KALRN: variants seen among roughly 807,000 people sequenced by gnomAD.
KALRN encodes kalirin.
In KALRN, 70 loss-of-function variants were observed where a neutral mutation model predicts 353.7. That is an observed-to-expected ratio of 0.20 (90% CI 0.16 to 0.24). The LOEUF is 0.24. Ranked by LOEUF, KALRN falls within the 10% of genes least tolerant of loss-of-function variation. KALRN has a pLI of 1.00. For missense variants in KALRN, 2,791 were observed against 3,756.7 expected (o/e 0.74, Z 6.72); for synonymous variants, 1,391 against 1,434.8 (o/e 0.97, Z 0.69).
chr3:124,714,666 G>A (rs1472228602), intron 58 of KALRN, among the ~76,000 whole-genome samples: 2 of 152,116 alleles, frequency 1.3e-5, no homozygotes, highest in East Asian at 1.9e-4. Flanking sequence ...GGCCAGGGTC[G>A]GGGGAACAAA....
At chr3:124,167,674 A>C (rs982592991) in intron 1 of KALRN, among the ~76,000 whole-genome samples, 1 of 152,242 alleles carries the variant, frequency 6.6e-6, no homozygotes, top group African/African-American at 2.4e-5. Flanking sequence ...CTTTGTGGAC[A>C]CTATCAAATT....
At chr3:124,039,751 TTTC>T (rs1431373034) in intron 1 of KALRN, among the ~76,000 whole-genome samples, 4 of 152,214 alleles carry the variant, frequency 2.6e-5, no homozygotes, top group Non-Finnish European at 5.9e-5. Context: ...CTTCCTGAGC[TTTC>T]TTTTGCAGCA....
intron 10 of KALRN, among the ~76,000 whole-genome samples, chr3:124,361,784 G>T (rs2084063024): frequency 6.7e-6 from 1 of 148,754 alleles, no homozygotes; most frequent in South Asian, 2.1e-4. Context: ...CGGCTGGGGT[G>T]GGGAGTAGTG....
At chr3:124,636,095 T>A (rs979798855) in intron 36 of KALRN, among the ~76,000 whole-genome samples, 1 of 152,166 alleles carries the variant, frequency 6.6e-6, no homozygotes, top group African/African-American at 2.4e-5. Flanking sequence ...AGAATATTGT[T>A]ATATCTTCCT....
chr3:124,054,768 A>T (rs2041370834), intron 1 of KALRN, among the ~76,000 whole-genome samples: 1 of 152,208 alleles, frequency 6.6e-6, no homozygotes, highest in Admixed American at 6.5e-5. Context: ...TGTGAGTTGT[A>T]TGATACAGTC....
At chr3:124,151,776 A>C (rs1459877167) in intron 1 of KALRN, among the ~76,000 whole-genome samples, 1 of 152,034 alleles carries the variant, frequency 6.6e-6, no homozygotes, top group Non-Finnish European at 1.5e-5. Flanking sequence ...ATTTTTGTCT[A>C]CTGTAAATAT....
At chr3:124,433,953 AT>A (rs2093377657) in intron 16 of KALRN, among the ~76,000 whole-genome samples, 1 of 152,214 alleles carries the variant, frequency 6.6e-6, no homozygotes. Flanking sequence ...GTACAATTTT[AT>A]TATTCTATTT....
intron 1 of KALRN, among the ~76,000 whole-genome samples, chr3:124,184,831 A>T: frequency 6.6e-6 from 1 of 152,208 alleles, no homozygotes; most frequent in East Asian, 1.9e-4. Context: ...AAAAAAATGA[A>T]CAAATAGTGA....
intron 1 of KALRN, among the ~76,000 whole-genome samples, chr3:124,180,088 G>T (rs555960986): frequency 6.6e-6 from 1 of 151,320 alleles, no homozygotes. Flanking sequence ...TGAGCCTGGG[G>T]TAACTGCTTG....
At chr3:124,340,034 C>T (rs961194774) in intron 9 of KALRN, among the ~76,000 whole-genome samples, 6 of 152,104 alleles carry the variant, frequency 3.9e-5, no homozygotes, top group Non-Finnish European at 8.8e-5. Context: ...ATTCACTTAC[C>T]CATTTATTCA....
chr3:124,125,554 T>A (rs375133404), intron 1 of KALRN, among the ~76,000 whole-genome samples: 67 of 152,284 alleles, frequency 4.4e-4, no homozygotes, highest in Middle Eastern at 3.4e-3. Context: ...TCTGGTGCCG[T>A]GCCTGGCAGT....
rs2067128429 is a variant in KALRN at position 124,521,109 on chromosome 3, C to A, written c.4935+24696C>A. Reference sequence around the variant, plus strand: ...TGCTCTTCCTTGTGTGATTGGAGATCCCTGACGGCCAGGGTCTTTGCAGCA... The same window carrying A: ...TGCTCTTCCTTGTGTGATTGGAGATACCTGACGGCCAGGGTCTTTGCAGCA... On this transcript the variant is annotated intron_variant, in intron 33 of 59. Transcript: ENST00000682506. Among the ~76,000 whole-genome samples, 4 of 152,324 alleles carry A rather than the reference C, an allele frequency of 2.6e-5. No individual in the cohort carries two copies. In the South Asian group the frequency reaches 8.3e-4, roughly 32 times the overall value.
intron 9 of KALRN, among the ~76,000 whole-genome samples, chr3:124,346,017 C>T (rs192647716): frequency 1.3e-5 from 2 of 152,282 alleles, no homozygotes; most frequent in Admixed American, 6.5e-5. Flanking sequence ...TCTGGAAAGG[C>T]TAGTACATCA....
intron 1 of KALRN, among the ~76,000 whole-genome samples, chr3:124,187,445 T>C (rs1158857646): frequency 6.6e-6 from 1 of 152,146 alleles, no homozygotes; most frequent in Non-Finnish European, 1.5e-5. Context: ...AGGGCATATG[T>C]CAGGAAGGTG....
At chr3:124,246,378 A>G (rs1247836804) in intron 3 of KALRN, among the ~76,000 whole-genome samples, 8 of 152,214 alleles carry the variant, frequency 5.3e-5, no homozygotes, top group Admixed American at 5.2e-4. Context: ...GATTCCTTTT[A>G]CTTTCCTAAA....
At chr3:124,545,680 G>C (rs1391942871) in intron 33 of KALRN, among the ~76,000 whole-genome samples, 2 of 152,162 alleles carry the variant, frequency 1.3e-5, no homozygotes, top group African/African-American at 4.8e-5. Flanking sequence ...CTGTGAGGGG[G>C]CTATCCCACC....
intron 18 of KALRN, 151 bp downstream of exon 18, chr3:124,439,188 T>TCA (rs1491329331): frequency 6.6e-5 from 24 of 363,254 alleles, no homozygotes; most frequent in East Asian, 3.5e-4. Flanking sequence ...TTCTTCTCCT[T>TCA]CTCTCTCTCT....
intron 6 of KALRN, among the ~76,000 whole-genome samples, chr3:124,306,079 T>C (rs1195232643): frequency 6.6e-6 from 1 of 152,060 alleles, no homozygotes; most frequent in Admixed American, 6.5e-5. Flanking sequence ...ATTATTATTA[T>C]TATTATTTAT....
intron 25 of KALRN, among the ~76,000 whole-genome samples, chr3:124,474,264 TTATCTC>T (rs1301780301): frequency 6.6e-6 from 1 of 152,216 alleles, no homozygotes; most frequent in African/African-American, 2.4e-5. Flanking sequence ...TTTTTCTACT[TTATCTC>T]TAGGATAGCG....
Sources: allele counts gnomAD v4.1 joint callset (sites outside exome capture counted in the v4.1 genomes callset), GRCh38; gene constraint gnomAD v4.1.1; transcripts MANE v1.5; gene names NCBI Gene and HGNC (gene_info 2026-07-23, HGNC 2026-07-21).